GAREM1: variants seen among roughly 807,000 people sequenced by gnomAD.
GAREM1 encodes the protein GRB2 associated regulator of MAPK1 subtype 1, also known as GRB2-associated and regulator of MAPK protein 1.
A neutral mutation model predicts 71.3 loss-of-function variants in GAREM1; 26 were observed. That is an observed-to-expected ratio of 0.36 (90% CI 0.27 to 0.51). The LOEUF (loss-of-function observed/expected upper bound fraction) is 0.51, where lower values mean the gene tolerates loss of function less well. Ranked by LOEUF, GAREM1 falls within the 20% of genes least tolerant of loss-of-function variation. The pLI, the probability that GAREM1 is intolerant of heterozygous loss-of-function variation, is 0.95. For missense variants in GAREM1, 1,026 were observed against 1,103.1 expected, an observed-to-expected ratio of 0.93 and a Z score of 0.99; for synonymous variants, 440 against 433.2, an observed-to-expected ratio of 1.02 and a Z score of -0.20.
chr18:32,450,542 G>A (rs2048826459), intron 1 of GAREM1, among the ~76,000 whole-genome samples: 1 of 152,138 alleles, frequency 6.6e-6, no homozygotes, highest in Admixed American at 6.6e-5. Flanking sequence ...TCGGTAGCTT[G>A]ATTTATGACC....
At chr18:32,342,399 T>A (rs2144577278) in intron 2 of GAREM1, among the ~76,000 whole-genome samples, 1 of 152,242 alleles carries the variant, frequency 6.6e-6, no homozygotes, top group Non-Finnish European at 1.5e-5. Flanking sequence ...AGCCTAAACT[T>A]TTGCAGGGCT....
At chr18:32,327,439 T>A (rs1459949821) in intron 2 of GAREM1, among the ~76,000 whole-genome samples, 2 of 152,168 alleles carry the variant, frequency 1.3e-5, no homozygotes, top group African/African-American at 4.8e-5. Context: ...GTATTTAGCC[T>A]TGCAAACAAA....
Position 32,287,630 on chromosome 18 carries a change from C to A in GAREM1, c.967G>T (p.Val323Phe). The change falls in exon 4 of 6, where the codon GTC (valine) becomes TTC (phenylalanine). Residue 323 changes from valine (V) to phenylalanine (F), a missense_variant. By Grantham distance (50) the Val-to-Phe change is conservative (BLOSUM62 -1). Around this residue, in one of 3 missense-constraint regions of GAREM1, gnomAD observed 218 missense variants for 296.8 expected, o/e 0.73. Coordinates refer to ENST00000269209, the MANE Select transcript of GAREM1 (RefSeq NM_001242409.2). This position sits in a 1 kb window ranked among gnomAD's most constrained non-coding sequence, Gnocchi z 5.9. ...VKGESWPETLVHHWLGICQEQ... is the reference protein window; with the variant it reads ...VKGESWPETLFHHWLGICQEQ... ...TGGCAGATACCTAGCCAGTGATGGA[C>A]CAGGGTTTCGGGCCAGCTCTCTCCC... 6.2e-7 allele frequency: 1 copy of A among 1,614,144 alleles called. No individual in the cohort carries two copies. The highest frequency in any genetic ancestry group is 8.5e-7 in the Non-Finnish European group (1 of 1,180,024).
At chr18:32,270,420 C>A in intron 4 of GAREM1, 37 bp from the exon 5 acceptor site, 1 of 1,565,160 alleles carries the variant, frequency 6.4e-7, no homozygotes, top group Non-Finnish European at 8.7e-7. Flanking sequence ...TAGCAACAGA[C>A]TGACAATGCC....
In GAREM1 at chr18:32,287,751, C is replaced by A; in HGVS notation, c.846G>T (p.Val282=). Residue 282 remains valine (V), a synonymous_variant, in exon 4 of 6, where the codon GTG becomes GTT. Coordinates refer to ENST00000269209, the MANE Select transcript of GAREM1 (RefSeq NM_001242409.2). The surrounding 1 kb of genome is among the most constrained non-coding windows in gnomAD (Gnocchi z 5.9). The part of the protein sequence containing the change: ...KFVNIQTKTV[V]VCCVLRNNKI... ...TGTTGTTCCGCAGCACACAGCAAAC[C>A]ACCACCGTCTTGGTCTGGATGTTCA... The A allele has an allele frequency of 6.2e-7, 1 of 1,613,746 alleles. No homozygotes were observed. Among genetic ancestry groups the A allele is most frequent in the Non-Finnish European group, 8.5e-7 (1 of 1,179,988 alleles).
intron 1 of GAREM1, among the ~76,000 whole-genome samples, chr18:32,400,260 T>C (rs895056115): frequency 1.3e-5 from 2 of 152,182 alleles, no homozygotes; most frequent in Admixed American, 6.5e-5. Flanking sequence ...GACACAGGCA[T>C]GGGCAAGGGC....
In GAREM1 at chr18:32,470,552, C is replaced by A; in HGVS notation, c.-124G>T. The A allele has an allele frequency of 1.5e-6, 1 of 655,152 alleles. No homozygotes were observed. Among genetic ancestry groups the A allele is most frequent in the Non-Finnish European group, 1.9e-6 (1 of 530,992 alleles). 40.6% of individuals were successfully genotyped at this position (655,152 alleles called of 1,614,324 possible). On this transcript the variant is annotated 5_prime_UTR_variant, in exon 1 of 6. Coordinates refer to ENST00000269209, the MANE Select transcript of GAREM1 (RefSeq NM_001242409.2). The surrounding 1 kb of genome is among the most constrained non-coding windows in gnomAD (Gnocchi z 4.4). ...GCGGGAGGCGCCGGGCAGCTCCGGC[C>A]GCGGGCAGCCGGGGGGGCGCGGCGA...
At chr18:32,362,504 T>C (rs2047874877) in intron 2 of GAREM1, among the ~76,000 whole-genome samples, 1 of 152,238 alleles carries the variant, frequency 6.6e-6, no homozygotes, top group Non-Finnish European at 1.5e-5. Context: ...TTGTTTTCTA[T>C]ATATCAGTTT....
At chr18:32,269,072 G>A (rs977664695) in intron 5 of GAREM1, among the ~76,000 whole-genome samples, 4 of 152,282 alleles carry the variant, frequency 2.6e-5, no homozygotes, top group African/African-American at 4.8e-5. Flanking sequence ...ATTAAGTCAC[G>A]TGTAGGCTCT....
At chr18:32,419,128 G>A (rs200006881) in intron 1 of GAREM1, among the ~76,000 whole-genome samples, 22 of 152,136 alleles carry the variant, frequency 1.4e-4, no homozygotes, top group African/African-American at 5.1e-4. Flanking sequence ...CCTATTCTCA[G>A]GTCCTTGCCC....
chr18:32,287,255 T>C lies in GAREM1; in HGVS notation c.1342A>G (p.Lys448Glu). ...AGCTCTTCGTAGGGAAGTTCTGACTTTCCCGGGATGCCTGCTGATTCTTCA... is the reference window on the plus strand; with the variant it reads ...AGCTCTTCGTAGGGAAGTTCTGACTCTCCCGGGATGCCTGCTGATTCTTCA... ...ASEESAGIPG[K>E]SELPYEELWL... The change falls in exon 4 of 6, where the codon AAG becomes GAG. Residue 448 changes from lysine (K) to glutamate (E), a missense_variant. Around this residue, in one of 3 missense-constraint regions of GAREM1, gnomAD observed 636 missense variants for 631.2 expected, o/e 1.01. Transcript: ENST00000269209. The surrounding 1 kb of genome is among the most constrained non-coding windows in gnomAD (Gnocchi z 5.9). The C allele has an allele frequency of 6.2e-7, 1 of 1,614,210 alleles. No homozygotes were observed. The highest frequency in any genetic ancestry group is 8.5e-7 in the Non-Finnish European group (1 of 1,180,024).
chr18:32,387,482 CAT>C (rs2048159898), intron 2 of GAREM1, among the ~76,000 whole-genome samples: 2 of 152,262 alleles, frequency 1.3e-5, no homozygotes, highest in South Asian at 4.2e-4. Flanking sequence ...GTTCAGATTA[CAT>C]TTATCTGTGA....
chr18:32,463,720 C>T (rs2048973339), intron 1 of GAREM1, among the ~76,000 whole-genome samples: 1 of 151,772 alleles, frequency 6.6e-6, no homozygotes, highest in Non-Finnish European at 1.5e-5. Context: ...CAGGCACATG[C>T]CACCACACCC....
rs1221268302 is a variant in GAREM1 at position 32,340,526 on chromosome 18, G to A, written c.263-30203C>T. On this transcript the variant is annotated intron_variant, in intron 2 of 5. Transcript: ENST00000269209. The stretch of plus-strand genomic sequence containing the variant: ...ATGATGAAGCTGCAGAATAGGCAGG[G>A]GACTATCACAGAGACTTGCAGGCAA... Among the ~76,000 whole-genome samples the A allele has an allele frequency of 3.9e-5, 6 of 152,020 alleles. 1 individual carries two copies.
intron 3 of GAREM1, among the ~76,000 whole-genome samples, chr18:32,291,500 A>AT (rs552845525): frequency 0.023 from 3,501 of 150,050 alleles, 146 homozygotes; most frequent in African/African-American, 0.081. Flanking sequence ...GTCAACAAGA[A>AT]TTTTTTTTTT....
intron 2 of GAREM1, among the ~76,000 whole-genome samples, chr18:32,355,718 G>A (rs1295553138): frequency 1.3e-5 from 2 of 152,126 alleles, no homozygotes; most frequent in African/African-American, 4.8e-5. Flanking sequence ...GAAAGAACAA[G>A]AGTATGTTGA....
intron 4 of GAREM1, among the ~76,000 whole-genome samples, chr18:32,276,487 A>G (rs762615649): frequency 1.3e-5 from 2 of 152,206 alleles, no homozygotes; most frequent in Non-Finnish European, 2.9e-5. Context: ...TTAAAATACA[A>G]TCTGGTAAGT....
At chr18:32,418,474 T>A (rs1352531574) in intron 1 of GAREM1, among the ~76,000 whole-genome samples, 1 of 152,166 alleles carries the variant, frequency 6.6e-6, no homozygotes, top group African/African-American at 2.4e-5. Context: ...GAAATGGGAA[T>A]AACAGACCCA....
rs2049044606 is a variant in GAREM1, at chr18:32,470,568, G to C, written c.-140C>G. The stretch of plus-strand genomic sequence containing the variant: ...AGCTCCGGCCGCGGGCAGCCGGGGG[G>C]GCGCGGCGACTGGGGCGGCCCGGAG... On this transcript the variant is annotated 5_prime_UTR_variant, in exon 1 of 6. Coordinates refer to ENST00000269209, the MANE Select transcript of GAREM1 (RefSeq NM_001242409.2). The surrounding 1 kb of genome is among the most constrained non-coding windows in gnomAD (Gnocchi z 4.4). 5.9e-6 allele frequency: 3 copies of C among 508,988 alleles called. No individual in the cohort carries two copies. The highest frequency in any genetic ancestry group is 7.6e-6 in the Non-Finnish European group (3 of 397,230). The allele number at this position is 508,988 out of a possible 1,614,324, so 31.5% of individuals were successfully genotyped here.
Sources: gnomAD v4.1 joint callset for allele counts (sites outside exome capture counted in the v4.1 genomes callset) on GRCh38, gnomAD v4.1.1 for gene constraint, gnomAD v4.1.1 regional missense constraint, Gnocchi (gnomAD v3.1) non-coding constraint, MANE v1.5 for transcripts, NCBI Gene and HGNC (gene_info 2026-07-23, HGNC 2026-07-21) for gene names.